The following HIVEP2 variants were observed in gnomAD, a reference collection of about 807,000 sequenced individuals.
HIVEP2 encodes the protein HIVEP zinc finger 2.
In HIVEP2, 14 loss-of-function variants were observed where a neutral mutation model predicts 180.7. The observed-to-expected ratio is 0.08, with a 90% CI of 0.05 to 0.12. The LOEUF is 0.12. Ranked by LOEUF, HIVEP2 falls within the 10% of genes least tolerant of loss-of-function variation. The pLI, the probability that HIVEP2 is intolerant of heterozygous loss-of-function variation, is 1.00. For synonymous variants in HIVEP2, 1,184 were observed against 1,136.4 expected (o/e 1.04, Z -0.84); for missense variants, 2,579 against 3,008.5 (o/e 0.86, Z 3.34).
At position 142,789,865 on chromosome 6, in the gene HIVEP2, G is replaced by A. The variant is rs552272253; in HGVS notation, c.-527-6250C>T. 2.0e-5 allele frequency among the ~76,000 whole-genome samples: 3 copies of A among 152,146 alleles called. No homozygotes were observed. The South Asian group carries it at 6.2e-4, about 32-fold the overall frequency. ...AAAATAACAGTAGTTAAGGATCAATGCTCCACTGAAATGTTTATCAATTTT... is the reference window on the plus strand; with the variant it reads ...AAAATAACAGTAGTTAAGGATCAATACTCCACTGAAATGTTTATCAATTTT... On this transcript the variant is annotated intron_variant, in intron 2 of 9. Transcript: ENST00000367603.
chr6:142,855,376 C>T (rs759612495), intron 1 of HIVEP2, among the ~76,000 whole-genome samples: 1 of 152,162 alleles, frequency 6.6e-6, no homozygotes, highest in African/African-American at 2.4e-5. Context: ...TGGCCTCTTC[C>T]GCTACAACCT....
Position 142,876,838 on chromosome 6 carries a change from C to G in HIVEP2, c.-640-39791G>C, listed in dbSNP as rs198681. Among the ~76,000 whole-genome samples the G allele has an allele frequency of 2.7e-5, 4 of 148,524 alleles. No homozygotes were observed. The East Asian group carries it at 8.1e-4, about 30-fold the overall frequency. On this transcript the variant is annotated intron_variant, in intron 1 of 9. Transcript: ENST00000367603. The stretch of plus-strand genomic sequence containing the variant: ...AAGAGTTTAAGGCCAGCCTGGGCAA[C>G]GTGGCCAAATCCCATCTTCACACAC...
In HIVEP2 at chr6:142,943,441, A is replaced by G. The variant is rs899797077; in HGVS notation, c.-641+1658T>C. ...AAATGGCCTTTTTCTAGGAGGACAG[A>G]TCATTGCAAATTTAATTAAAATGGA... On this transcript the variant is annotated intron_variant, in intron 1 of 9. Transcript: ENST00000367603. This position sits in a 1 kb window ranked among gnomAD's most constrained non-coding sequence, Gnocchi z 4.5. Among the ~76,000 whole-genome samples the G allele has an allele frequency of 6.6e-6, 1 of 152,238 alleles. No individual in the cohort carries two copies. The highest frequency in any genetic ancestry group is 1.5e-5 in the Non-Finnish European group (1 of 68,034).
chr6:142,860,420 T>C (rs1208202846), intron 1 of HIVEP2, among the ~76,000 whole-genome samples: 1 of 151,878 alleles, frequency 6.6e-6, no homozygotes, highest in Non-Finnish European at 1.5e-5. Flanking sequence ...AGGCAGGGGG[T>C]TGGGAAGACT....
chr6:142,847,077 TCCACCCTGTA>T (rs2114913448), intron 1 of HIVEP2, among the ~76,000 whole-genome samples: 1 of 152,298 alleles, frequency 6.6e-6, no homozygotes, highest in East Asian at 1.9e-4. Flanking sequence ...TCAACTCTAA[TCCACCCTGTA>T]CCTCAGGGTT....
At chr6:142,792,006 A>T (rs2114724966) in intron 2 of HIVEP2, among the ~76,000 whole-genome samples, 1 of 152,314 alleles carries the variant, frequency 6.6e-6, no homozygotes, top group East Asian at 1.9e-4. Flanking sequence ...TTGCAGGCAG[A>T]GATGCATTTA....
At chr6:142,775,833 C>A (rs1250511850) in intron 4 of HIVEP2, among the ~76,000 whole-genome samples, 3 of 148,456 alleles carry the variant, frequency 2.0e-5, no homozygotes, top group African/African-American at 4.9e-5. Flanking sequence ...GACTCCATCT[C>A]AAAAAAAAAC....
At chr6:142,863,246 T>C (rs967201488) in intron 1 of HIVEP2, among the ~76,000 whole-genome samples, 4 of 151,320 alleles carry the variant, frequency 2.6e-5, no homozygotes, top group Admixed American at 1.3e-4. Context: ...ATAAAACCTC[T>C]TATAACAAAA....
intron 2 of HIVEP2, among the ~76,000 whole-genome samples, chr6:142,792,670 T>C (rs1776167966): frequency 6.6e-6 from 1 of 152,116 alleles, no homozygotes; most frequent in African/African-American, 2.4e-5. Context: ...GGCACATGCA[T>C]ACCTATGTAA....
At chr6:142,887,411 T>C (rs1468448546) in intron 1 of HIVEP2, among the ~76,000 whole-genome samples, 1 of 152,206 alleles carries the variant, frequency 6.6e-6, no homozygotes, top group Non-Finnish European at 1.5e-5. Context: ...CACCCTGAAA[T>C]GATCATGTTT....
At chr6:142,882,397 G>A (rs1233601478) in intron 1 of HIVEP2, among the ~76,000 whole-genome samples, 1 of 152,048 alleles carries the variant, frequency 6.6e-6, no homozygotes, top group African/African-American at 2.4e-5. Context: ...GATCACTTGA[G>A]GCCAGGAGTT....
At chr6:142,861,910 C>G (rs1300170050) in intron 1 of HIVEP2, among the ~76,000 whole-genome samples, 1 of 152,108 alleles carries the variant, frequency 6.6e-6, no homozygotes, top group East Asian at 1.9e-4. Context: ...GATGGCTATT[C>G]TGGACAGCTG....
intron 1 of HIVEP2, among the ~76,000 whole-genome samples, chr6:142,863,568 A>C (rs1776060541): frequency 6.6e-6 from 1 of 152,212 alleles, no homozygotes; most frequent in Non-Finnish European, 1.5e-5. Flanking sequence ...CAAGTTATGA[A>C]TTTTTTAAGA....
At position 142,770,926 on chromosome 6, in the gene HIVEP2, A is replaced by G. The variant is rs11963915; in HGVS notation, c.3813T>C (p.Tyr1271=). ...GGTAGGTCTGCTCTTTCGTGTGTGC[A>G]TACTCAGCAGGTTTCTTTCCAGTGT... ...AEHTGKKPAE[Y]AHTKEQTYPC... The change falls in exon 5 of 10, where the codon TAT becomes TAC. Residue 1271 remains tyrosine (Y), a synonymous_variant. Transcript: ENST00000367603. The surrounding 1 kb of genome is among the most constrained non-coding windows in gnomAD (Gnocchi z 4.7). 6,427 of 1,614,174 alleles carry G rather than the reference A, an allele frequency of 4.0e-3. 215 individuals carry two copies. The African/African-American group carries it at 0.073, about 18-fold the overall frequency.
chr6:142,879,232 G>C lies in HIVEP2; in HGVS notation c.-640-42185C>G, dbSNP rs575362105. Among the ~76,000 whole-genome samples, 11 of 152,248 alleles carry C rather than the reference G, an allele frequency of 7.2e-5. No homozygotes were observed. In the South Asian group the frequency reaches 1.7e-3, roughly 23 times the overall value. On this transcript the variant is annotated intron_variant, in intron 1 of 9. Transcript: ENST00000367603. ...ATTAAACGTGATGTTTTAAGAAGAT[G>C]AGCCTTGTAGTGGAATAAGGAACTG...
intron 9 of HIVEP2, among the ~76,000 whole-genome samples, chr6:142,756,901 T>C (rs577651718): frequency 6.6e-6 from 1 of 152,252 alleles, no homozygotes; most frequent in Non-Finnish European, 1.5e-5. Context: ...TTCTACCTCC[T>C]TCTCATCATT....
intron 4 of HIVEP2, 119 bp downstream of exon 4, chr6:142,776,014 AAGGCTATAAGAATT>A (rs1469992190): frequency 1.3e-5 from 2 of 152,194 alleles, no homozygotes; most frequent in Admixed American, 6.5e-5. Context: ...AAATGACATC[AAGGCTATAAGAATT>A]AGATGTCACA....
chr6:142,859,393 C>T (rs761394065), intron 1 of HIVEP2, among the ~76,000 whole-genome samples: 4 of 149,770 alleles, frequency 2.7e-5, no homozygotes, highest in Admixed American at 1.3e-4. Context: ...CCCAGGAGGT[C>T]GGGGCTGCAG....
At chr6:142,896,828 C>T (rs1052778862) in intron 1 of HIVEP2, among the ~76,000 whole-genome samples, 8 of 152,100 alleles carry the variant, frequency 5.3e-5, no homozygotes, top group African/African-American at 1.9e-4. Flanking sequence ...TCTACATTTC[C>T]CTCTCCAATG....
Sources: gnomAD v4.1 joint callset for allele counts (sites outside exome capture counted in the v4.1 genomes callset) on GRCh38, gnomAD v4.1.1 for gene constraint, Gnocchi (gnomAD v3.1) non-coding constraint, MANE v1.5 for transcripts, NCBI Gene and HGNC (gene_info 2026-07-23, HGNC 2026-07-21) for gene names.